CPNE3: variants seen among roughly 807,000 people sequenced by gnomAD.
CPNE3 encodes the protein copine-3.
Under a neutral mutation model 63.9 loss-of-function variants are expected in CPNE3, and 68 were observed. The ratio of observed to expected loss-of-function variants is 1.06; its 90% confidence interval spans 0.87 to 1.30. CPNE3 has a LOEUF of 1.30. CPNE3 is among the 50% of genes most tolerant of loss of function. The pLI is 0.00. For synonymous variants in CPNE3, 219 were observed against 197.5 expected (o/e 1.11, Z -0.91); for missense variants, 665 against 578.1 (o/e 1.15, Z -1.54).
At chr8:86,521,514 AT>A (rs1330915119) in intron 2 of CPNE3, 1 of 152,182 alleles carries the variant, frequency 6.6e-6, no homozygotes, top group Non-Finnish European at 1.5e-5. Context: ...CTAAGTAACT[AT>A]TTTTTGATAT....
At chr8:86,533,695 G>A (rs2131453674) in intron 6 of CPNE3, among the ~76,000 whole-genome samples, 1 of 151,604 alleles carries the variant, frequency 6.6e-6, no homozygotes, top group African/African-American at 2.4e-5. Flanking sequence ...TATAACTCAT[G>A]GCCAATTTCA....
intron 10 of CPNE3, chr8:86,547,207 G>C (rs1821071908): frequency 6.5e-6 from 1 of 153,926 alleles, no homozygotes; most frequent in Non-Finnish European, 1.4e-5. Context: ...ATTTGCAAAG[G>C]ACAAGGATAA....
At chr8:86,540,653 A>G (rs894556203) in intron 8 of CPNE3, among the ~76,000 whole-genome samples, 4 of 152,210 alleles carry the variant, frequency 2.6e-5, no homozygotes, top group African/African-American at 4.8e-5. Context: ...CTCTGCTAAT[A>G]GGAACCTCGA....
At chr8:86,531,388 AATGT>A (rs1408572450) in intron 5 of CPNE3, among the ~76,000 whole-genome samples, 159 bp downstream of exon 5, 2 of 152,174 alleles carry the variant, frequency 1.3e-5, no homozygotes, top group Admixed American at 1.3e-4. Context: ...ACAAATGGAA[AATGT>A]ATTGTGCAAA....
At chr8:86,557,167 TGAGACAGA>T in intron 16 of CPNE3, among the ~76,000 whole-genome samples, 1 of 152,218 alleles carries the variant, frequency 6.6e-6, no homozygotes, top group African/African-American at 2.4e-5. Flanking sequence ...GTTTTTGTTT[TGAGACAGA>T]GTCTTGCTCT....
chr8:86,528,998 A>T lies in CPNE3; in HGVS notation c.186A>T (p.Thr62=), dbSNP rs1820607762. Residue 62 remains threonine (T), a synonymous_variant, in exon 4 of 17, where the codon ACA becomes ACT. Transcript: ENST00000517490. ...KNCLNPQFSK[T]FIIDYYFEVV... The stretch of plus-strand genomic sequence containing the variant: ...GCTTGAATCCCCAATTTTCCAAGAC[A>T]TTTATTATTGATTACTACTTTGAAG... 1.2e-6 allele frequency: 2 copies of T among 1,613,816 alleles called. No homozygotes were observed. The highest frequency in any genetic ancestry group is 1.7e-4 in the Middle Eastern group (1 of 6,058).
At chr8:86,518,793 G>A (rs894190941) in intron 2 of CPNE3, among the ~76,000 whole-genome samples, 1 of 151,902 alleles carries the variant, frequency 6.6e-6, no homozygotes, top group Non-Finnish European at 1.5e-5. Context: ...TTATTTGTGA[G>A]ATGGGACCTC....
chr8:86,535,025 C>T (rs895912534), intron 6 of CPNE3, among the ~76,000 whole-genome samples: 12 of 152,098 alleles, frequency 7.9e-5, no homozygotes, highest in African/African-American at 2.9e-4. Flanking sequence ...TTCCTTTAAG[C>T]TTGTTTGTGA....
chr8:86,534,827 A>G (rs1187168293), intron 6 of CPNE3, among the ~76,000 whole-genome samples: 2 of 152,144 alleles, frequency 1.3e-5, no homozygotes, highest in Admixed American at 6.5e-5. Context: ...CTTTTCCCCC[A>G]TATTTACCAT....
chr8:86,529,832 A>G (rs1254676617), intron 4 of CPNE3, among the ~76,000 whole-genome samples: 1 of 152,018 alleles, frequency 6.6e-6, no homozygotes, highest in Non-Finnish European at 1.5e-5. Flanking sequence ...TCAATATGTG[A>G]CATTTGTCAC....
At chr8:86,518,435 G>T (rs1820362640) in intron 2 of CPNE3, among the ~76,000 whole-genome samples, 1 of 152,190 alleles carries the variant, frequency 6.6e-6, no homozygotes, top group South Asian at 2.1e-4. Context: ...GCTTTACTTA[G>T]TCCTTATAAT....
chr8:86,522,222 C>T (rs988986334), intron 2 of CPNE3, among the ~76,000 whole-genome samples: 1 of 152,108 alleles, frequency 6.6e-6, no homozygotes, highest in African/African-American at 2.4e-5. Context: ...CTGTCTGTAC[C>T]ACACAATTTT....
At chr8:86,521,766 C>T (rs778462640) in intron 2 of CPNE3, 4 of 151,998 alleles carry the variant, frequency 2.6e-5, no homozygotes, top group Non-Finnish European at 4.4e-5. Flanking sequence ...CTAATATATA[C>T]TATGCATTAT....
chr8:86,520,894 C>G (rs1357425571), intron 2 of CPNE3, among the ~76,000 whole-genome samples: 5 of 152,070 alleles, frequency 3.3e-5, no homozygotes, highest in Admixed American at 1.3e-4. Flanking sequence ...CTCAGGTGAT[C>G]TGCCCAGTCC....
chr8:86,548,283 G>A lies in CPNE3; in HGVS notation c.880-18G>A. 2 of 1,613,380 alleles carry A rather than the reference G, an allele frequency of 1.2e-6. No homozygotes were observed. The highest frequency in any genetic ancestry group is 2.2e-5 in the South Asian group (2 of 90,990). ...CCCTGCCTTCTCCTTACTAAGGGCT[G>A]CAATTGTTATTTGGCAGGTGGGAGT... On this transcript the variant is annotated intron_variant, in intron 11 of 16. Coordinates refer to ENST00000517490, the MANE Select transcript of CPNE3 (RefSeq NM_003909.5).
rs780793997 is a variant in CPNE3 at position 86,558,294 on chromosome 8, A to G, written c.1498A>G (p.Lys500Glu). The change falls in exon 17 of 17, where the codon AAA (lysine) becomes GAA (glutamate). Residue 500 changes from lysine (K) to glutamate (E), a missense_variant. Physicochemically the swap from Lys to Glu is moderately conservative, Grantham distance 56. Transcript: ENST00000517490. ...TTATTTTGTTTTTCACAAGGCTCCAAAAGAAGCACTTGCTCAGTGTGTCTT... is the reference window on the plus strand; with the variant it reads ...TTATTTTGTTTTTCACAAGGCTCCAGAAGAAGCACTTGCTCAGTGTGTCTT... ...VPFRQFQNAP[K>E]EALAQCVLAE... is the part of the protein sequence containing the mutation. The G allele has an allele frequency of 9.2e-6, 8 of 872,926 alleles. No individual in the cohort carries two copies. The East Asian group carries it at 1.9e-4, about 21-fold the overall frequency. 54.1% of individuals were successfully genotyped at this position (872,926 alleles called of 1,614,324 possible). A position where few individuals can be genotyped will look rare whatever the true frequency, so the allele number is the denominator to read the frequency against.
At chr8:86,534,655 A>G (rs1820765029) in intron 6 of CPNE3, among the ~76,000 whole-genome samples, 1 of 152,166 alleles carries the variant, frequency 6.6e-6, no homozygotes, top group South Asian at 2.1e-4. Flanking sequence ...GCTCCGTCTC[A>G]AAAAAAGAAG....
chr8:86,532,348 A>G (rs1820701248), intron 5 of CPNE3, among the ~76,000 whole-genome samples, 161 bp from the exon 6 acceptor site: 1 of 152,216 alleles, frequency 6.6e-6, no homozygotes, highest in Non-Finnish European at 1.5e-5. Flanking sequence ...TAAAAGAAAT[A>G]ATGGTAGATC....
chr8:86,561,001 A>G lies in CPNE3; in HGVS notation c.*2591A>G, dbSNP rs1358336019. On this transcript the variant is annotated 3_prime_UTR_variant, in exon 17 of 17. Transcript: ENST00000517490. ...GAGGAAATAATATACCAGCTAATCT[A>G]GTCACCTAACCTTGTGGTTAGAATT... The G allele has an allele frequency of 1.3e-5, 2 of 152,220 alleles. 1 individual carries two copies. Among genetic ancestry groups the G allele is most frequent in the South Asian group, 4.1e-4 (2 of 4,834 alleles). 9.4% of individuals were successfully genotyped at this position (152,220 alleles called of 1,614,324 possible).
Sources: gnomAD v4.1 joint callset for allele counts (sites outside exome capture counted in the v4.1 genomes callset) on GRCh38, gnomAD v4.1.1 for gene constraint, MANE v1.5 for transcripts, NCBI Gene and HGNC (gene_info 2026-07-23, HGNC 2026-07-21) for gene names.